SNX29: variants seen among roughly 807,000 people sequenced by gnomAD.
SNX29 encodes the protein sorting nexin 29.
A neutral mutation model predicts 102.1 loss-of-function variants in SNX29; 78 were observed. The ratio of observed to expected loss-of-function variants is 0.76; its 90% CI spans 0.64 to 0.92. The LOEUF is 0.92. Among genes scored for constraint, SNX29 ranks in the 40% least tolerant of loss-of-function variants. The pLI is 0.00. For synonymous variants in SNX29, 580 were observed against 414.5 expected (o/e 1.40, Z -4.85); for missense variants, 1,280 against 1,061.7 (o/e 1.21, Z -2.86).
At chr16:12,288,393 A>C (rs2079672377) in intron 15 of SNX29, among the ~76,000 whole-genome samples, 1 of 152,192 alleles carries the variant, frequency 6.6e-6, no homozygotes, top group African/African-American at 2.4e-5. Flanking sequence ...ACATAAGTAA[A>C]AGTACCTACA....
intron 15 of SNX29, among the ~76,000 whole-genome samples, chr16:12,331,840 C>A (rs993417013): frequency 6.6e-6 from 1 of 152,172 alleles, no homozygotes; most frequent in Non-Finnish European, 1.5e-5. Context: ...GTGTGAGCCA[C>A]CATGCCTGGC....
chr16:12,518,672 T>A (rs949304151), intron 19 of SNX29, among the ~76,000 whole-genome samples: 4 of 152,112 alleles, frequency 2.6e-5, no homozygotes, highest in African/African-American at 9.7e-5. Flanking sequence ...TTTAAACTCC[T>A]CGAGGAAAAG....
chr16:12,239,276 G>A (rs544752633), intron 14 of SNX29, among the ~76,000 whole-genome samples: 1 of 152,254 alleles, frequency 6.6e-6, no homozygotes, highest in South Asian at 2.1e-4. Flanking sequence ...TTCTGTACCT[G>A]ACATGTATTA....
intron 14 of SNX29, among the ~76,000 whole-genome samples, chr16:12,223,229 A>T (rs1181361266): frequency 2.0e-5 from 3 of 152,148 alleles, no homozygotes; most frequent in Non-Finnish European, 4.4e-5. Context: ...TAAAATCGAG[A>T]TTATACTAGT....
At chr16:12,164,291 G>A (rs976781893) in intron 13 of SNX29, among the ~76,000 whole-genome samples, 1 of 152,290 alleles carries the variant, frequency 6.6e-6, no homozygotes, top group Admixed American at 6.5e-5. Flanking sequence ...TTTGAGTGGA[G>A]TTTGGAAAAC....
At chr16:12,544,239 G>C (rs1004307646) in intron 20 of SNX29, among the ~76,000 whole-genome samples, 2 of 151,048 alleles carry the variant, frequency 1.3e-5, no homozygotes, top group Non-Finnish European at 2.9e-5. Flanking sequence ...CACCAAGATT[G>C]AAACTAACTT....
intron 13 of SNX29, among the ~76,000 whole-genome samples, chr16:12,170,047 G>T (rs751744218): frequency 1.1e-4 from 17 of 152,160 alleles, no homozygotes; most frequent in Non-Finnish European, 2.2e-4. Flanking sequence ...ACTTGGGCTG[G>T]ATAATCCTTT....
At chr16:12,390,968 T>C (rs768155653) in intron 16 of SNX29, among the ~76,000 whole-genome samples, 43 of 152,080 alleles carry the variant, frequency 2.8e-4, no homozygotes, top group Non-Finnish European at 5.7e-4. Flanking sequence ...TGTTTCGAGA[T>C]GGGGTCTCAC....
intron 4 of SNX29, among the ~76,000 whole-genome samples, chr16:12,035,343 C>T (rs1041727950): frequency 6.6e-6 from 1 of 151,928 alleles, no homozygotes; most frequent in African/African-American, 2.4e-5. Flanking sequence ...TCTCAAGTAG[C>T]TGGGACTGCA....
At chr16:12,328,857 G>A (rs2081203573) in intron 15 of SNX29, among the ~76,000 whole-genome samples, 1 of 152,142 alleles carries the variant, frequency 6.6e-6, no homozygotes, top group Non-Finnish European at 1.5e-5. Flanking sequence ...AATGCTGGCT[G>A]AAGGTATGGC....
intron 17 of SNX29, among the ~76,000 whole-genome samples, chr16:12,400,666 A>G (rs950511686): frequency 5.9e-5 from 9 of 152,226 alleles, no homozygotes; most frequent in African/African-American, 1.7e-4. Flanking sequence ...CCTTTGTGGC[A>G]CTTACAATAA....
chr16:12,554,166 A>G (rs899374807), intron 20 of SNX29, among the ~76,000 whole-genome samples: 4 of 152,218 alleles, frequency 2.6e-5, no homozygotes, highest in South Asian at 2.1e-4. Flanking sequence ...GTAAATGAGC[A>G]ATGTGTGAAT....
intron 15 of SNX29, among the ~76,000 whole-genome samples, chr16:12,289,244 G>A (rs1035157661): frequency 2.6e-5 from 4 of 152,152 alleles, no homozygotes; most frequent in Admixed American, 6.5e-5. Context: ...GGGGTTATCC[G>A]CCCATGCAGC....
At chr16:12,463,741 A>T (rs1253177883) in intron 18 of SNX29, among the ~76,000 whole-genome samples, 1 of 152,084 alleles carries the variant, frequency 6.6e-6, no homozygotes, top group African/African-American at 2.4e-5. Flanking sequence ...GGCATACAAC[A>T]TGATGGTTTG....
At chr16:12,117,194 A>G (rs981401530) in intron 11 of SNX29, among the ~76,000 whole-genome samples, 437 of 134,140 alleles carry the variant, frequency 3.3e-3, no homozygotes, top group East Asian at 6.2e-3. Flanking sequence ...ACGTGCTTCA[A>G]CGCGGATGAA....
At chr16:12,512,391 T>TGA (rs2089666472) in intron 19 of SNX29, among the ~76,000 whole-genome samples, 1 of 72,646 alleles carries the variant, frequency 1.4e-5, no homozygotes, top group South Asian at 4.7e-4. Context: ...TATATATATA[T>TGA]ATATATATAT....
chr16:12,402,995 C>T (rs1226204210), intron 17 of SNX29, among the ~76,000 whole-genome samples: 1 of 152,164 alleles, frequency 6.6e-6, no homozygotes, highest in East Asian at 1.9e-4. Context: ...CTAAAGTCAG[C>T]TCAGTGAGGA....
chr16:12,443,016 A>T, intron 18 of SNX29: 1 of 456,006 alleles, frequency 2.2e-6, no homozygotes. Flanking sequence ...TGTGAAAATC[A>T]TTCTTAGTCT....
At chr16:12,413,982 A>G (rs993741946) in intron 18 of SNX29, among the ~76,000 whole-genome samples, 1 of 152,246 alleles carries the variant, frequency 6.6e-6, no homozygotes, top group African/African-American at 2.4e-5. Flanking sequence ...ATTTGCATAT[A>G]ACCTAAGTGC....
Sources: allele counts gnomAD v4.1 joint callset (sites outside exome capture counted in the v4.1 genomes callset), GRCh38; gene constraint gnomAD v4.1.1; transcripts MANE v1.5; gene names NCBI Gene and HGNC (gene_info 2026-07-23, HGNC 2026-07-21).